Variants in SLC15A1 observed in about 807,000 individuals in gnomAD.
SLC15A1 encodes the protein solute carrier family 15 member 1.
In SLC15A1, 83 loss-of-function variants were observed where a neutral mutation model predicts 92.9. The observed-to-expected ratio is 0.89, with a 90% confidence interval of 0.75 to 1.07. The LOEUF (loss-of-function observed/expected upper bound fraction) is 1.07. Among genes scored for constraint, SLC15A1 ranks in the 50% least tolerant of loss-of-function variants. The probability of loss-of-function intolerance (pLI) is 0.00; values close to 1 mark genes in which losing one functional copy is unlikely to be tolerated. For synonymous variants in SLC15A1, 322 were observed against 318.2 expected (o/e 1.01, Z -0.13); for missense variants, 857 against 880.1 (o/e 0.97, Z 0.33).
At chr13:98,749,799 C>T (rs890911965) in intron 1 of SLC15A1, among the ~76,000 whole-genome samples, 2 of 152,202 alleles carry the variant, frequency 1.3e-5, no homozygotes, top group Non-Finnish European at 2.9e-5. Context: ...TGTAAGCTTA[C>T]ATTTTTAAGT....
intron 1 of SLC15A1, among the ~76,000 whole-genome samples, chr13:98,739,422 A>G (rs766667243): frequency 2.0e-5 from 3 of 152,174 alleles, no homozygotes; most frequent in Admixed American, 1.3e-4. Context: ...ATAATGCTCA[A>G]TTGTTGGAGG....
chr13:98,708,812 A>C (rs545668501), intron 14 of SLC15A1, 45 bp from the exon 15 acceptor site: 36 of 1,480,130 alleles, frequency 2.4e-5, no homozygotes, highest in Non-Finnish European at 3.3e-5. Context: ...TTTCACATAG[A>C]TGAGCTAAGC....
chr13:98,738,363 G>C (rs1195636114), intron 1 of SLC15A1, among the ~76,000 whole-genome samples: 2 of 152,234 alleles, frequency 1.3e-5, no homozygotes, highest in Non-Finnish European at 2.9e-5. Context: ...CAAGACAATG[G>C]GGTAAAGGCC....
Position 98,684,840 on chromosome 13 carries a change from T to C in SLC15A1, c.2011A>G (p.Thr671Ala). 6.2e-7 allele frequency: 1 copy of C among 1,614,108 alleles called. No individual in the cohort carries two copies. Among genetic ancestry groups the C allele is most frequent in the Non-Finnish European group, 8.5e-7 (1 of 1,180,016 alleles). ...VIFAIMARFY[T>A]YINPAEIEAQ... ...TCGATCTCCGCTGGGTTGATGTAAG[T>C]ATAGAACCGAGCCATGATGGCAAAA... The change falls in exon 23 of 23, where the codon ACT (threonine) becomes GCT (alanine). Residue 671 changes from threonine (T) to alanine (A), a missense_variant. Thr to Ala is a moderately conservative substitution (Grantham distance 58). Coordinates refer to ENST00000376503, the MANE Select transcript of SLC15A1 (RefSeq NM_005073.4).
At chr13:98,732,109 A>C (rs1173403847) in intron 1 of SLC15A1, among the ~76,000 whole-genome samples, 1 of 152,264 alleles carries the variant, frequency 6.6e-6, no homozygotes, top group East Asian at 1.9e-4. Flanking sequence ...TGGTGTTTAC[A>C]TCGAGACTTC....
At chr13:98,724,929 C>G (rs2088287020) in intron 4 of SLC15A1, among the ~76,000 whole-genome samples, 1 of 152,168 alleles carries the variant, frequency 6.6e-6, no homozygotes, top group Non-Finnish European at 1.5e-5. Flanking sequence ...CTGCAAACCT[C>G]AAGCTGAAAT....
chr13:98,694,851 C>T (rs1482180989), intron 18 of SLC15A1, among the ~76,000 whole-genome samples: 1 of 151,718 alleles, frequency 6.6e-6, no homozygotes, highest in Non-Finnish European at 1.5e-5. Context: ...ATGGTGAAAC[C>T]CTGTCTCTAC....
At chr13:98,723,654 A>T (rs1028369482) in intron 5 of SLC15A1, among the ~76,000 whole-genome samples, 3 of 152,160 alleles carry the variant, frequency 2.0e-5, no homozygotes, top group Non-Finnish European at 4.4e-5. Context: ...TCCCCTGCGC[A>T]CTGACTGTAC....
intron 1 of SLC15A1, among the ~76,000 whole-genome samples, chr13:98,729,557 G>A (rs1250271061): frequency 6.6e-6 from 1 of 152,220 alleles, no homozygotes; most frequent in Non-Finnish European, 1.5e-5. Flanking sequence ...CCAAACGCCA[G>A]AAAGACCACG....
rs895506343 is a variant in SLC15A1 at position 98,740,304 on chromosome 13, G to A, written c.4+12291C>T. Among the ~76,000 whole-genome samples, 7 of 152,276 alleles carry A rather than the reference G, an allele frequency of 4.6e-5. No individual in the cohort carries two copies. In the East Asian group the frequency reaches 5.8e-4, roughly 13 times the overall value. ...TGTCCAGGGTCACCCGCTGTGCTCC[G>A]CACTCCACCTGGACTGTCCACCGTC... On this transcript the variant is annotated intron_variant, in intron 1 of 22. Transcript: ENST00000376503.
intron 5 of SLC15A1, among the ~76,000 whole-genome samples, chr13:98,722,126 AAACATAAAACAGT>A (rs2088265540): frequency 6.6e-6 from 1 of 152,258 alleles, no homozygotes; most frequent in South Asian, 2.1e-4. Flanking sequence ...ACCATCCGGA[AAACATAAAACAGT>A]AGCTTGCGAG....
chr13:98,726,573 A>G (rs1172908646), intron 2 of SLC15A1, 124 bp from the exon 3 acceptor site: 2 of 872,036 alleles, frequency 2.3e-6, no homozygotes, highest in African/African-American at 3.3e-5. Flanking sequence ...GACTGTCTAG[A>G]GCAGGAAACT....
At chr13:98,728,255 C>T (rs572282334) in intron 1 of SLC15A1, among the ~76,000 whole-genome samples, 1 of 152,244 alleles carries the variant, frequency 6.6e-6, no homozygotes, top group Non-Finnish European at 1.5e-5. Context: ...GTTACTACAG[C>T]TTTGTAGTAT....
chr13:98,697,439 CAAAG>C (rs1212644371), intron 18 of SLC15A1, among the ~76,000 whole-genome samples: 1 of 151,470 alleles, frequency 6.6e-6, no homozygotes, highest in Admixed American at 6.6e-5. Flanking sequence ...GAGAAGGAAA[CAAAG>C]AAGAGGAACG....
intron 18 of SLC15A1, among the ~76,000 whole-genome samples, chr13:98,691,193 G>A (rs1343831728): frequency 2.6e-5 from 4 of 151,974 alleles, no homozygotes; most frequent in Admixed American, 6.6e-5. Flanking sequence ...ACAGGCCCCC[G>A]CCACCGCACC....
intron 8 of SLC15A1, among the ~76,000 whole-genome samples, chr13:98,717,850 G>A (rs145280397): frequency 2.0e-5 from 3 of 152,254 alleles, no homozygotes; most frequent in Non-Finnish European, 4.4e-5. Flanking sequence ...TGGGAGAAGG[G>A]GCTCTGAAGA....
rs1233933929 is a variant in SLC15A1 at position 98,703,906 on chromosome 13, TCTGA to T, written c.1416+379_1416+382del. On this transcript the variant is annotated intron_variant, in intron 17 of 22. Coordinates refer to ENST00000376503, the MANE Select transcript of SLC15A1 (RefSeq NM_005073.4). The stretch of plus-strand genomic sequence containing the variant: ...ACTTTTTCAGAGACTGCTCTAATTT[TCTGA>T]CTATTTAGTGCAAATTTTTAAATTC... Among the ~76,000 whole-genome samples the T allele has an allele frequency of 3.3e-5, 5 of 152,260 alleles. No homozygotes were observed. The East Asian group carries it at 9.6e-4, about 29-fold the overall frequency.
chr13:98,722,468 T>C (rs544944855), intron 5 of SLC15A1, among the ~76,000 whole-genome samples: 22 of 90,078 alleles, frequency 2.4e-4, no homozygotes, highest in African/African-American at 1.2e-3. Context: ...TTGCTAAGTA[T>C]TTTAACTCCT....
chr13:98,683,919 A>C lies in SLC15A1; in HGVS notation c.*805T>G, dbSNP rs2087908124. 6.6e-6 allele frequency: 1 copy of C among 152,240 alleles called. No homozygotes were observed. Among genetic ancestry groups the C allele is most frequent in the East Asian group, 1.9e-4 (1 of 5,198 alleles). 9.4% of individuals were successfully genotyped at this position (152,240 alleles called of 1,614,324 possible). The stretch of plus-strand genomic sequence containing the variant: ...ACACAGGTAGGGACTAGAAAAACAA[A>C]ATAACAAAAACCCAAAGGTAAAGTT... On this transcript the variant is annotated 3_prime_UTR_variant, in exon 23 of 23. Transcript: ENST00000376503.
Sources: allele counts gnomAD v4.1 joint callset (sites outside exome capture counted in the v4.1 genomes callset), GRCh38; gene constraint gnomAD v4.1.1; transcripts MANE v1.5; gene names NCBI Gene and HGNC (gene_info 2026-07-23, HGNC 2026-07-21).